CCDC171: variants seen among roughly 807,000 people sequenced by gnomAD.
CCDC171 encodes coiled-coil domain-containing protein 171.
In CCDC171, 177 loss-of-function variants were observed where a neutral mutation model predicts 168.2. The ratio of observed to expected loss-of-function variants is 1.05; its 90% CI spans 0.93 to 1.19. The LOEUF (loss-of-function observed/expected upper bound fraction) is 1.19, where lower values mean the gene tolerates loss of function less well. Among genes scored for constraint, CCDC171 ranks in the 50% most tolerant of loss-of-function variants. The pLI is 0.00. For missense variants in CCDC171, 1,991 were observed against 1,539.0 expected (o/e 1.29, Z -4.91); for synonymous variants, 687 against 540.8 (o/e 1.27, Z -3.75).
At chr9:15,903,455 A>G (rs1261357726) in intron 24 of CCDC171, among the ~76,000 whole-genome samples, 1 of 152,144 alleles carries the variant, frequency 6.6e-6, no homozygotes, top group East Asian at 1.9e-4. Flanking sequence ...ACTCCAACAG[A>G]CCTTCAGCTG....
chr9:15,555,831 A>G (rs2038745886), intron 1 of CCDC171, among the ~76,000 whole-genome samples: 1 of 151,560 alleles, frequency 6.6e-6, no homozygotes, highest in Non-Finnish European at 1.5e-5. Context: ...TATACCTCCC[A>G]CCTTCCCCCA....
chr9:15,714,118 T>C (rs2052897684), intron 11 of CCDC171, among the ~76,000 whole-genome samples: 2 of 152,324 alleles, frequency 1.3e-5, no homozygotes, highest in South Asian at 4.1e-4. Flanking sequence ...ATCTGTATTC[T>C]GCAGCGGCTG....
intron 18 of CCDC171, among the ~76,000 whole-genome samples, chr9:15,775,728 A>G (rs978949201): frequency 3.9e-5 from 6 of 152,212 alleles, no homozygotes; most frequent in Admixed American, 2.6e-4. Flanking sequence ...TGTATTGTTT[A>G]TTTAAAAACA....
chr9:15,701,675 G>C (rs1398357175), intron 11 of CCDC171, among the ~76,000 whole-genome samples: 4 of 151,456 alleles, frequency 2.6e-5, no homozygotes, highest in African/African-American at 9.7e-5. Flanking sequence ...CGCCTCTCCG[G>C]AGTACAATTT....
chr9:15,784,762 T>C lies in CCDC171; in HGVS notation c.3267+68T>C, dbSNP rs1257090795. On this transcript the variant is annotated intron_variant, in intron 21 of 25. Transcript: ENST00000380701. ...TATGTGTGGATCTTAGAGGGAATTA[T>C]GATATCTCCTGAATAGGAATAGATC... 7.0e-6 allele frequency: 8 copies of C among 1,145,534 alleles called. No individual in the cohort carries two copies. The Admixed American group carries it at 1.6e-4, about 23-fold the overall frequency. The allele number at this position is 1,145,534 out of a possible 1,614,324, so 71.0% of individuals were successfully genotyped here. A position where few individuals can be genotyped will look rare whatever the true frequency, so the allele number is the denominator to read the frequency against.
At chr9:15,965,337 A>G (rs373724642) in intron 25 of CCDC171, among the ~76,000 whole-genome samples, 1 of 152,294 alleles carries the variant, frequency 6.6e-6, no homozygotes, top group East Asian at 1.9e-4. Flanking sequence ...TATTTTGTTG[A>G]TGAAATGCCT....
At chr9:15,863,870 C>T (rs917903102) in intron 23 of CCDC171, among the ~76,000 whole-genome samples, 1 of 143,450 alleles carries the variant, frequency 7.0e-6, no homozygotes, top group African/African-American at 2.6e-5. Context: ...TCCCCATCTC[C>T]AGGGTTGTTG....
intron 9 of CCDC171, among the ~76,000 whole-genome samples, chr9:15,674,108 T>G (rs2049333519): frequency 6.6e-6 from 1 of 152,188 alleles, no homozygotes; most frequent in South Asian, 2.1e-4. Context: ...ATTTATCCAT[T>G]TCTTCTAGAT....
At chr9:15,799,750 C>A (rs958280534) in intron 21 of CCDC171, among the ~76,000 whole-genome samples, 7 of 151,970 alleles carry the variant, frequency 4.6e-5, no homozygotes, top group African/African-American at 1.7e-4. Flanking sequence ...CATTAACCAT[C>A]CCGACCTTCC....
At chr9:16,070,360 A>G in the CCDC171 span, among the ~76,000 whole-genome samples, 1 of 152,212 alleles carries the variant, frequency 6.6e-6, no homozygotes, top group Non-Finnish European at 1.5e-5. Flanking sequence ...TTCACTGGAA[A>G]AAGTACCTGC....
chr9:15,651,413 G>GT (rs1160499805), intron 7 of CCDC171, among the ~76,000 whole-genome samples: 3,021 of 144,286 alleles, frequency 0.021, 95 homozygotes, highest in African/African-American at 0.065. Context: ...CTGGCCTATA[G>GT]TTTTTTTTTT....
the CCDC171 span, among the ~76,000 whole-genome samples, chr9:16,074,086 G>C: frequency 3.3e-5 from 5 of 151,980 alleles, no homozygotes; most frequent in Non-Finnish European, 1.5e-5. Context: ...AGAGGATGGG[G>C]GTTTCTACAT....
chr9:15,630,434 A>G (rs1181384219), intron 7 of CCDC171, among the ~76,000 whole-genome samples: 9 of 152,340 alleles, frequency 5.9e-5, no homozygotes, highest in Non-Finnish European at 1.5e-5. Context: ...AAAGAAGGCC[A>G]TTACATAATG....
At chr9:15,674,735 T>C (rs1265534854) in intron 9 of CCDC171, among the ~76,000 whole-genome samples, 3 of 152,214 alleles carry the variant, frequency 2.0e-5, no homozygotes, top group East Asian at 3.8e-4. Context: ...CAGTTTGTTA[T>C]AATTTCTCAT....
intron 25 of CCDC171, among the ~76,000 whole-genome samples, chr9:15,958,533 A>ATTATATTATATTATATTATG (rs1313364161): frequency 4.8e-5 from 7 of 146,732 alleles, no homozygotes; most frequent in African/African-American, 1.7e-4. Context: ...ATTATATTAT[A>ATTATATTATATTATATTATG]TTATATTATA....
At chr9:15,700,923 A>G (rs1380233384) in intron 11 of CCDC171, among the ~76,000 whole-genome samples, 1 of 151,220 alleles carries the variant, frequency 6.6e-6, no homozygotes, top group East Asian at 1.9e-4. Flanking sequence ...TCTTTTTGCT[A>G]CTAGCCATTC....
At chr9:16,101,434 T>G in the CCDC171 span, among the ~76,000 whole-genome samples, 1 of 152,252 alleles carries the variant, frequency 6.6e-6, no homozygotes, top group Non-Finnish European at 1.5e-5. Context: ...CTCCCTCTGG[T>G]ATAATGTCTT....
At chr9:15,816,515 G>A (rs114296800) in intron 21 of CCDC171, among the ~76,000 whole-genome samples, 1,541 of 118,482 alleles carry the variant, frequency 0.013, 451 homozygotes, top group African/African-American at 0.046. Context: ...AATAATTCTA[G>A]CATCTATTGA....
intron 11 of CCDC171, among the ~76,000 whole-genome samples, chr9:15,700,260 C>T (rs1362880635): frequency 6.6e-6 from 1 of 152,250 alleles, no homozygotes; most frequent in Non-Finnish European, 1.5e-5. Context: ...GGACCCCGTA[C>T]ACCCTCTGCA....
Sources: gnomAD v4.1 joint callset for allele counts (sites outside exome capture counted in the v4.1 genomes callset) on GRCh38, gnomAD v4.1.1 for gene constraint, MANE v1.5 for transcripts, NCBI Gene and HGNC (gene_info 2026-07-23, HGNC 2026-07-21) for gene names.